NCKAP5: variants seen among roughly 807,000 people sequenced by gnomAD.
NCKAP5 encodes the protein NCK associated protein 5.
A neutral mutation model predicts 167.0 loss-of-function variants in NCKAP5; 92 were observed. That is an observed-to-expected ratio of 0.55 (90% CI 0.47 to 0.66). NCKAP5 has a LOEUF of 0.66. Ranked by LOEUF, NCKAP5 falls within the 30% of genes least tolerant of loss-of-function variation. The probability of loss-of-function intolerance (pLI) is 0.00; values close to 1 mark genes in which losing one functional copy is unlikely to be tolerated. For missense variants in NCKAP5, 2,378 were observed against 2,315.0 expected (o/e 1.03, Z -0.56); for synonymous variants, 891 against 877.4 (o/e 1.02, Z -0.27).
chr2:133,178,684 G>GCA (rs372548881), intron 5 of NCKAP5, among the ~76,000 whole-genome samples: 7 of 133,412 alleles, frequency 5.2e-5, no homozygotes, highest in Non-Finnish European at 8.3e-5. Flanking sequence ...AATTAGCCAG[G>GCA]CGCGGTGGCG....
intron 1 of NCKAP5, among the ~76,000 whole-genome samples, chr2:133,564,627 GAAGT>G (rs776831603): frequency 6.6e-6 from 1 of 152,190 alleles, no homozygotes; most frequent in African/African-American, 2.4e-5. Context: ...TCATCTGAGA[GAAGT>G]AAGAGGGGAG....
At position 132,742,657 on chromosome 2, in the gene NCKAP5, C is replaced by T. The variant is rs116071555; in HGVS notation, c.5129-10606G>A. On this transcript the variant is annotated intron_variant, in intron 16 of 19. Coordinates refer to ENST00000409261, the MANE Select transcript of NCKAP5 (RefSeq NM_207363.3). ...AAAAATGTTTTTCTCCATTTGTCTC[C>T]ATATTTAATCAGTATTAATTACTTT... is the stretch of plus-strand genomic sequence containing the variant. Among the ~76,000 whole-genome samples the T allele has an allele frequency of 7.2e-3, 1,096 of 151,882 alleles. 17 individuals are homozygous for T. The highest frequency in any genetic ancestry group is 0.024 in the African/African-American group (985 of 41,496).
chr2:132,952,541 T>G lies in NCKAP5; in HGVS notation c.579+11179A>C, dbSNP rs116840512. Among the ~76,000 whole-genome samples, 774 of 152,256 alleles carry G rather than the reference T, an allele frequency of 5.1e-3. 12 individuals are homozygous for G. The highest frequency in any genetic ancestry group is 0.018 in the African/African-American group (739 of 41,554). ...TAACTGATAAAAGGTTATGTCTTGA[T>G]TGAACAAGCTTCCAGGAGTTGGAAG... On this transcript the variant is annotated intron_variant, in intron 8 of 19. Coordinates refer to ENST00000409261, the MANE Select transcript of NCKAP5 (RefSeq NM_207363.3).
intron 3 of NCKAP5, among the ~76,000 whole-genome samples, chr2:133,428,864 A>G (rs753628322): frequency 1.3e-5 from 2 of 152,170 alleles, no homozygotes; most frequent in Non-Finnish European, 2.9e-5. Context: ...ATAAATACTA[A>G]TAGTATCTAA....
At chr2:132,920,771 G>GTGTATATATATATATATATATATATATA (rs1219401757) in intron 8 of NCKAP5, among the ~76,000 whole-genome samples, 1 of 31,570 alleles carries the variant, frequency 3.2e-5, no homozygotes, top group Non-Finnish European at 6.5e-5. Flanking sequence ...ATATATGTAT[G>GTGTATATATATATATATATATATATATA]TATATATATA....
chr2:133,367,329 A>G (rs1685516348), intron 3 of NCKAP5, among the ~76,000 whole-genome samples: 1 of 152,200 alleles, frequency 6.6e-6, no homozygotes, highest in African/African-American at 2.4e-5. Context: ...GACCCAGCAG[A>G]CGGGAGCTCT....
At chr2:133,429,677 G>A (rs55896968) in intron 3 of NCKAP5, among the ~76,000 whole-genome samples, 2,114 of 152,106 alleles carry the variant, frequency 0.014, 32 homozygotes, top group Non-Finnish European at 0.019. Context: ...AGTATTCCAC[G>A]GTGTTTATGT....
At chr2:133,073,508 A>T (rs1318697687) in intron 6 of NCKAP5, among the ~76,000 whole-genome samples, 10 of 152,192 alleles carry the variant, frequency 6.6e-5, no homozygotes, top group Admixed American at 6.5e-4. Context: ...GCCAGTCTGA[A>T]CAGGACCACA....
At chr2:133,500,023 G>T (rs1682352579) in intron 3 of NCKAP5, among the ~76,000 whole-genome samples, 1 of 152,028 alleles carries the variant, frequency 6.6e-6, no homozygotes, top group Admixed American at 6.5e-5. Context: ...ACCTAGAAAT[G>T]TATCTAGAAT....
At chr2:132,951,332 T>G (rs1292297666) in intron 8 of NCKAP5, among the ~76,000 whole-genome samples, 1 of 151,630 alleles carries the variant, frequency 6.6e-6, no homozygotes, top group African/African-American at 2.4e-5. Flanking sequence ...TGTTTAAATC[T>G]AGAAAGTTCA....
chr2:133,208,814 T>C (rs570682759), intron 5 of NCKAP5, among the ~76,000 whole-genome samples: 139 of 152,288 alleles, frequency 9.1e-4, no homozygotes, highest in African/African-American at 3.2e-3. Flanking sequence ...TAAAAAGTGT[T>C]TATTTTTTAA....
intron 6 of NCKAP5, among the ~76,000 whole-genome samples, chr2:133,115,775 G>GTGTATATATATA (rs1296649163): frequency 2.1e-5 from 2 of 94,302 alleles, no homozygotes; most frequent in East Asian, 5.8e-4. Flanking sequence ...ATGTGTGTGT[G>GTGTATATATATA]TATATATATA....
chr2:132,908,378 T>C (rs977231361), intron 8 of NCKAP5, among the ~76,000 whole-genome samples: 1 of 152,196 alleles, frequency 6.6e-6, no homozygotes, highest in African/African-American at 2.4e-5. Context: ...TCAATTTCTC[T>C]CTTGAAATGC....
chr2:132,855,333 C>T (rs1012743436), intron 11 of NCKAP5, among the ~76,000 whole-genome samples: 1 of 152,218 alleles, frequency 6.6e-6, no homozygotes, highest in East Asian at 1.9e-4. Flanking sequence ...TGCAGGATGA[C>T]AGGCTCACCA....
intron 6 of NCKAP5, among the ~76,000 whole-genome samples, chr2:133,021,005 C>T (rs1192361394): frequency 1.3e-5 from 2 of 152,176 alleles, no homozygotes; most frequent in East Asian, 1.9e-4. Context: ...AAATAACCTC[C>T]CTCTCTGCCC....
chr2:133,470,030 C>A lies in NCKAP5; in HGVS notation c.69+47428G>T, dbSNP rs536365640. Among the ~76,000 whole-genome samples the A allele has an allele frequency of 1.3e-3, 199 of 152,284 alleles. 1 individual carries two copies. Among genetic ancestry groups the A allele is most frequent in the African/African-American group, 4.5e-3 (188 of 41,540 alleles). Reference sequence around the variant, plus strand: ...TCAGCTCAACAAAGTCATTCTCCATCCAGCTTTGTTCCATTGCTGGTGAGG... The same window carrying A: ...TCAGCTCAACAAAGTCATTCTCCATACAGCTTTGTTCCATTGCTGGTGAGG... On this transcript the variant is annotated intron_variant, in intron 3 of 19. Coordinates refer to ENST00000409261, the MANE Select transcript of NCKAP5 (RefSeq NM_207363.3).
chr2:133,384,464 T>C (rs918767357), intron 3 of NCKAP5, among the ~76,000 whole-genome samples: 1 of 152,228 alleles, frequency 6.6e-6, no homozygotes, highest in African/African-American at 2.4e-5. Context: ...TGTAGCCTTG[T>C]AGTATAGTTT....
chr2:133,364,363 G>T (rs1332783909), intron 3 of NCKAP5, among the ~76,000 whole-genome samples: 1 of 152,114 alleles, frequency 6.6e-6, no homozygotes, highest in Non-Finnish European at 1.5e-5. Flanking sequence ...ATGAAAACTA[G>T]TTTTTAAAGG....
chr2:133,603,876 T>C, the NCKAP5 span, among the ~76,000 whole-genome samples: 2 of 152,232 alleles, frequency 1.3e-5, no homozygotes, highest in Admixed American at 1.3e-4. Flanking sequence ...TTCTCCAGCA[T>C]CTTGTTCTGA....
Sources: allele counts gnomAD v4.1 joint callset (sites outside exome capture counted in the v4.1 genomes callset), GRCh38; gene constraint gnomAD v4.1.1; transcripts MANE v1.5; gene names NCBI Gene and HGNC (gene_info 2026-07-23, HGNC 2026-07-21).